Variants in WFDC10B observed in about 807,000 individuals in gnomAD.
The protein encoded by WFDC10B is protein WFDC10B.
Under a neutral mutation model 2.7 loss-of-function variants are expected in WFDC10B, and 1 was observed. The observed-to-expected ratio is 0.38, with a 90% CI of 0.13 to 1.79. The LOEUF is 1.79. Ranked by LOEUF, WFDC10B falls within the 40% of genes most tolerant of loss-of-function variation. WFDC10B has a pLI of 0.33. For missense variants in WFDC10B, 71 were observed against 87.8 expected, an observed-to-expected ratio of 0.81 and a Z score of 0.76; for synonymous variants, 26 against 32.2, an observed-to-expected ratio of 0.81 and a Z score of 0.65.
Position 45,684,711 on chromosome 20 carries a change from T to C in WFDC10B, c.*119A>G, listed in dbSNP as rs1260026357. On this transcript the variant is annotated 3_prime_UTR_variant, in exon 4 of 4. Coordinates refer to ENST00000330523, the MANE Select transcript of WFDC10B (RefSeq NM_172006.2). ...CAGGGAGTTCAGACACTGGGGAGGG[T>C]GGCATTCCTGTTGATGTTCTTGTGC... The C allele has an allele frequency of 2.3e-5, 32 of 1,366,494 alleles. No individual in the cohort carries two copies. In the East Asian group the frequency reaches 6.2e-4, roughly 26 times the overall value. The allele number at this position is 1,366,494 out of a possible 1,614,324, so 84.6% of individuals were successfully genotyped here.
At position 45,684,841 on chromosome 20, in the gene WFDC10B, T is replaced by C. The variant is rs531701630; in HGVS notation, c.211A>G (p.Ser71Gly). 6.8e-6 allele frequency: 11 copies of C among 1,613,790 alleles called. No individual in the cohort carries two copies. The South Asian group carries it at 9.9e-5, about 15-fold the overall frequency. The change falls in exon 4 of 4, where the codon AGC becomes GGC. Residue 71 changes from serine (S) to glycine (G), a missense_variant. Physicochemically the swap from Ser to Gly is moderately conservative, Grantham distance 56. Transcript: ENST00000330523. ...GCCCACTCTCCCACTCATAGGATGC[T>C]CATACAAATGTTCCCACAGAAGGCT... ...CSAFCGNICM[S>G]IL is the part of the protein sequence containing the mutation.
intron 2 of WFDC10B, among the ~76,000 whole-genome samples, chr20:45,701,585 A>C (rs949651141): frequency 6.6e-6 from 1 of 152,026 alleles, no homozygotes; most frequent in African/African-American, 2.4e-5. Flanking sequence ...AACACAGTGA[A>C]ACCCCATCTC....
At chr20:45,703,808 G>GA (rs1984275237) in intron 2 of WFDC10B, among the ~76,000 whole-genome samples, 1 of 152,166 alleles carries the variant, frequency 6.6e-6, no homozygotes, top group Non-Finnish European at 1.5e-5. Context: ...TCCTGATCGA[G>GA]AGACACCAAG....
At chr20:45,692,815 T>C (rs1206299538) in intron 2 of WFDC10B, among the ~76,000 whole-genome samples, 1 of 152,216 alleles carries the variant, frequency 6.6e-6, no homozygotes, top group African/African-American at 2.4e-5. Context: ...TCTGAAGCCT[T>C]CTTCTCTCAA....
At position 45,684,739 on chromosome 20, in the gene WFDC10B, ATGATTTGATGTCCTTGTGCTTC is replaced by A. The variant is rs1983548318; in HGVS notation, c.*69_*90del. 1 of 1,535,050 alleles carries A rather than the reference ATGATTTGATGTCCTTGTGCTTC, an allele frequency of 6.5e-7. No homozygotes were observed. Among genetic ancestry groups the A allele is most frequent in the African/African-American group, 1.4e-5 (1 of 73,006 alleles). ...CATTCCTGTTGATGTTCTTGTGCTG[ATGATTTGATGTCCTTGTGCTTC>A]GGATGTGGGCACAGTCTCGGATGGA... is the stretch of plus-strand genomic sequence containing the variant. On this transcript the variant is annotated 3_prime_UTR_variant, in exon 4 of 4. Coordinates refer to ENST00000330523, the MANE Select transcript of WFDC10B (RefSeq NM_172006.2).
intron 2 of WFDC10B, among the ~76,000 whole-genome samples, chr20:45,702,394 A>G (rs1984202011): frequency 1.3e-5 from 2 of 152,222 alleles, no homozygotes; most frequent in Admixed American, 1.3e-4. Context: ...TGGGCATAGT[A>G]TCTGGGCCTC....
intron 2 of WFDC10B, among the ~76,000 whole-genome samples, chr20:45,696,586 C>T (rs1983986758): frequency 6.6e-6 from 1 of 151,852 alleles, no homozygotes; most frequent in Admixed American, 6.6e-5. Context: ...ACCAACCTTA[C>T]AGAACTAAAA....
rs901259021 is a variant in WFDC10B at position 45,701,982 on chromosome 20, C to T, written c.-65+2515G>A. ...GGAGGTGCTTGGATTCCTGCCCTGC[C>T]GGTTTTGATTGGAGTACACGGTGAA... On this transcript the variant is annotated intron_variant, in intron 2 of 3. Coordinates refer to ENST00000330523, the MANE Select transcript of WFDC10B (RefSeq NM_172006.2). The T allele has an allele frequency of 8.6e-6, 6 of 701,314 alleles. No homozygotes were observed. In the African/African-American group the frequency reaches 9.0e-5, roughly 10 times the overall value. 43.4% of individuals were successfully genotyped at this position (701,314 alleles called of 1,614,324 possible).
In WFDC10B at chr20:45,704,910, C is replaced by T; in HGVS notation, c.-130+8G>A. 1.2e-6 allele frequency: 2 copies of T among 1,613,884 alleles called. No homozygotes were observed. The highest frequency in any genetic ancestry group is 2.2e-5 in the South Asian group (2 of 91,064). On this transcript the variant is annotated splice_region_variant and intron_variant, in intron 1 of 3. Transcript: ENST00000330523. The stretch of plus-strand genomic sequence containing the variant: ...CCAGAATCCACCCTTATCCCAGGGA[C>T]ACTGTACCTGCAGGTGTAACCAAAA...
chr20:45,692,705 T>C (rs1249347318), intron 2 of WFDC10B, among the ~76,000 whole-genome samples: 4 of 152,184 alleles, frequency 2.6e-5, no homozygotes, highest in African/African-American at 4.8e-5. Flanking sequence ...CACTTCTCTG[T>C]ATTGGTTATT....
chr20:45,687,860 T>TATTA (rs1555805539), intron 2 of WFDC10B, among the ~76,000 whole-genome samples: 2 of 145,350 alleles, frequency 1.4e-5, no homozygotes, highest in South Asian at 2.2e-4. Context: ...TGTCTTTTCT[T>TATTA]TTATTATTAT....
intron 2 of WFDC10B, 136 bp from the exon 3 acceptor site, chr20:45,686,192 A>G: frequency 9.6e-7 from 1 of 1,039,434 alleles, no homozygotes. Context: ...CATGTAGGAT[A>G]GGGCTTCTGC....
intron 2 of WFDC10B, among the ~76,000 whole-genome samples, chr20:45,697,739 TTTC>T (rs1337211046): frequency 6.7e-6 from 1 of 149,658 alleles, no homozygotes; most frequent in Non-Finnish European, 1.5e-5. Flanking sequence ...GGTATTTCTT[TTTC>T]TTTTTTTTTT....
chr20:45,704,645 CCAG>C (rs748856015), intron 1 of WFDC10B, 84 bp from the exon 2 acceptor site: 1 of 1,597,686 alleles, frequency 6.3e-7, no homozygotes, highest in Non-Finnish European at 8.5e-7. Flanking sequence ...TGGTGGGAGC[CCAG>C]CAGAAGAGTC....
At chr20:45,692,265 A>C (rs1210676620) in intron 2 of WFDC10B, among the ~76,000 whole-genome samples, 1 of 151,914 alleles carries the variant, frequency 6.6e-6, no homozygotes, top group Non-Finnish European at 1.5e-5. Context: ...GGCTGCCCTT[A>C]ACATTTTTTC....
At chr20:45,691,318 T>C (rs1282923641) in intron 2 of WFDC10B, among the ~76,000 whole-genome samples, 2 of 152,048 alleles carry the variant, frequency 1.3e-5, no homozygotes, top group Non-Finnish European at 2.9e-5. Flanking sequence ...ATTCTGTTGA[T>C]TTGGGGTGGA....
At chr20:45,701,938 C>T in intron 2 of WFDC10B, 1 of 595,096 alleles carries the variant, frequency 1.7e-6, no homozygotes, top group East Asian at 2.8e-5. Context: ...ACTACGTGAC[C>T]CTGGAGTGGG....
intron 2 of WFDC10B, among the ~76,000 whole-genome samples, chr20:45,691,891 G>T (rs1395341062): frequency 6.6e-6 from 1 of 152,086 alleles, no homozygotes. Context: ...GATGTTAGCT[G>T]GTTATTTTGC....
intron 2 of WFDC10B, among the ~76,000 whole-genome samples, chr20:45,695,427 C>A (rs1265714796): frequency 6.6e-6 from 1 of 152,056 alleles, no homozygotes; most frequent in Admixed American, 6.6e-5. Flanking sequence ...ACACTATAAA[C>A]CTAAGACAGA....
Sources: gnomAD v4.1 joint callset for allele counts (sites outside exome capture counted in the v4.1 genomes callset) on GRCh38, gnomAD v4.1.1 for gene constraint, MANE v1.5 for transcripts, NCBI Gene and HGNC (gene_info 2026-07-23, HGNC 2026-07-21) for gene names.